Variants in KIR3DL3 observed in about 807,000 individuals in gnomAD.
The protein encoded by KIR3DL3 is killer cell immunoglobulin-like receptor 3DL3.
In KIR3DL3, 27 loss-of-function variants were observed where a neutral mutation model predicts 34.9. The observed-to-expected ratio is 0.77, with a 90% CI of 0.57 to 1.07. The LOEUF (loss-of-function observed/expected upper bound fraction) is 1.07, where lower values mean the gene tolerates loss of function less well. KIR3DL3 is among the 50% of genes least tolerant of loss of function. The probability of loss-of-function intolerance (pLI) is 0.00; values close to 1 mark genes in which losing one functional copy is unlikely to be tolerated. For synonymous variants in KIR3DL3, 217 were observed against 200.2 expected, an observed-to-expected ratio of 1.08 and a Z score of -0.71; for missense variants, 681 against 528.5, an observed-to-expected ratio of 1.29 and a Z score of -2.83.
chr19:54,735,199 C>A (rs1197557339), intron 5 of KIR3DL3, 54 bp from the exon 6 acceptor site: 1 of 1,274,816 alleles, frequency 7.8e-7, no homozygotes, highest in Non-Finnish European at 1.1e-6. Context: ...TGAGACAATT[C>A]ATATAGAGGA....
chr19:54,726,181 C>T lies in KIR3DL3; in HGVS notation c.199C>T (p.Pro67Ser). ...EFSLSKEDGM[P>S]VPELYNRIFR... ...CAGTCTGTCCAAAGAAGACGGGATG[C>T]CTGTCCCTGAGCTCTACAACAGAAT... Residue 67 changes from proline to serine, a missense_variant, in exon 3 of 8, where the codon CCT becomes TCT. Coordinates refer to ENST00000291860, the MANE Select transcript of KIR3DL3 (RefSeq NM_153443.5). 6.2e-7 allele frequency: 1 copy of T among 1,613,564 alleles called. No individual in the cohort carries two copies.
At position 54,726,059 on chromosome 19, in the gene KIR3DL3, A is replaced by C; in HGVS notation, c.77A>C (p.Gln26Pro). 6.2e-7 allele frequency: 1 copy of C among 1,607,978 alleles called. No individual in the cohort carries two copies. The highest frequency in any genetic ancestry group is 2.2e-5 in the East Asian group (1 of 44,778). ...LEGPWPHVGG[Q>P]DKPFLSAWPG... ...GTGCCTCCTTCTCCCCCAGGTGGTC[A>C]GGACAAGCCCTTCCTCTCTGCCTGG... Residue 26 changes from glutamine (Q) to proline (P), a missense_variant, in exon 3 of 8, where the codon CAG (glutamine) becomes CCG (proline). Physicochemically the swap from Gln to Pro is moderately conservative, Grantham distance 76 (BLOSUM62 -1). Transcript: ENST00000291860.
rs556418443 is a variant in KIR3DL3 at position 54,734,515 on chromosome 19, G to A, written c.950-738G>A. On this transcript the variant is annotated intron_variant, in intron 5 of 7. Coordinates refer to ENST00000291860, the MANE Select transcript of KIR3DL3 (RefSeq NM_153443.5). ...AGCCCAGCCTGGGTTTTGTACCCTG[G>A]AGCCACAGGAAGCACTCAGCTAAAG... Among the ~76,000 whole-genome samples the A allele has an allele frequency of 1.3e-3, 193 of 151,932 alleles. 1 individual carries two copies. Among genetic ancestry groups the A allele is most frequent in the Middle Eastern group, 3.4e-3 (1 of 294 alleles).
chr19:54,728,938 T>C (rs1214393156), intron 4 of KIR3DL3, among the ~76,000 whole-genome samples: 28 of 147,742 alleles, frequency 1.9e-4, no homozygotes, highest in Admixed American at 2.8e-4. Flanking sequence ...GACTGATAGA[T>C]GATATAGATA....
Position 54,727,818 on chromosome 19 carries a change from C to T in KIR3DL3, c.563C>T (p.Ala188Val). Residue 188 changes from alanine to valine, a missense_variant, in exon 4 of 8, where the codon GCC becomes GTC. Physicochemically the swap from Ala to Val is moderately conservative, Grantham distance 64. Transcript: ENST00000291860. Reference sequence around the variant, plus strand: ...TATTCCATGGGTCCCATGACACCTGCCCTTGCAGGGACCTACAGATGCTTT... The same window carrying T: ...TATTCCATGGGTCCCATGACACCTGTCCTTGCAGGGACCTACAGATGCTTT... ...VNYSMGPMTP[A>V]LAGTYRCFGS... The T allele has an allele frequency of 1.2e-6, 2 of 1,614,026 alleles. No individual in the cohort carries two copies. Among genetic ancestry groups the T allele is most frequent in the Non-Finnish European group, 8.5e-7 (1 of 1,179,994 alleles).
intron 5 of KIR3DL3, among the ~76,000 whole-genome samples, chr19:54,732,253 G>GTTTTTTTTTTTTTTTTTTTTTTT (rs1376667820): frequency 1.1e-5 from 1 of 90,902 alleles, no homozygotes; most frequent in African/African-American, 3.7e-5. Flanking sequence ...TGTGTTTTTT[G>GTTTTTTTTTTTTTTTTTTTTTTT]TTTTCTTTTT....
At chr19:54,732,918 TTAAC>T (rs1421027029) in intron 5 of KIR3DL3, among the ~76,000 whole-genome samples, 1 of 152,092 alleles carries the variant, frequency 6.6e-6, no homozygotes, top group African/African-American at 2.4e-5. Flanking sequence ...CCCTACCTGA[TTAAC>T]AGTGACCGAC....
rs1218161756 is a variant in KIR3DL3 at position 54,724,906 on chromosome 19, TGGGCCTGGAGTAGAGATAC to T, written c.35-329_35-311del. 1.6e-4 allele frequency among the ~76,000 whole-genome samples: 18 copies of T among 113,296 alleles called. 1 individual carries two copies. Among genetic ancestry groups the T allele is most frequent in the Non-Finnish European group, 2.9e-4 (16 of 55,708 alleles). 74.3% of individuals were successfully genotyped at this position (113,296 alleles called of 152,430 possible). ...AGATATGGGCCTGGAACTGTAGATA[TGGGCCTGGAGTAGAGATAC>T]GGGCCTGGAGTGGAGATGTTGGCTT... On this transcript the variant is annotated intron_variant, in intron 1 of 7. Transcript: ENST00000291860.
chr19:54,733,760 T>C (rs1180205881), intron 5 of KIR3DL3, among the ~76,000 whole-genome samples: 1 of 152,158 alleles, frequency 6.6e-6, no homozygotes, highest in African/African-American at 2.4e-5. Flanking sequence ...ACGTGCTCTG[T>C]TCATGGCATA....
intron 4 of KIR3DL3, among the ~76,000 whole-genome samples, chr19:54,728,960 AG>A (rs1346561412): frequency 7.0e-6 from 1 of 142,932 alleles, no homozygotes; most frequent in Admixed American, 7.3e-5. Context: ...ACAAGTAGAA[AG>A]ACAGACAGAT....
rs1190232613 is a variant in KIR3DL3 at position 54,727,906 on chromosome 19, C to T, written c.651C>T (p.Val217=). The change falls in exon 4 of 8, where the codon GTC becomes GTT. Residue 217 remains valine (V), a synonymous_variant. Coordinates refer to ENST00000291860, the MANE Select transcript of KIR3DL3 (RefSeq NM_153443.5). Reference sequence around the variant, plus strand: ...CCAGTGACCCTCTGGACATCGTGGTCGTAGGTGAGAGAATACAGACCTGCC... The same window carrying T: ...CCAGTGACCCTCTGGACATCGTGGTTGTAGGTGAGAGAATACAGACCTGCC... ...SAPSDPLDIV[V]VGLYGKPSLS... The T allele has an allele frequency of 1.2e-5, 20 of 1,607,280 alleles. No homozygotes were observed. The South Asian group carries it at 1.3e-4, about 11-fold the overall frequency.
chr19:54,734,225 C>G (rs1448251604), intron 5 of KIR3DL3, among the ~76,000 whole-genome samples: 3 of 151,604 alleles, frequency 2.0e-5, no homozygotes, highest in Admixed American at 2.0e-4. Flanking sequence ...GTGTATCAAT[C>G]CCAATCCAGT....
intron 3 of KIR3DL3, among the ~76,000 whole-genome samples, chr19:54,726,998 G>A (rs978041135): frequency 1.6e-5 from 2 of 122,618 alleles, no homozygotes; most frequent in Middle Eastern, 3.9e-3. Flanking sequence ...TGAAGCACAG[G>A]TTAAGAAACC....
intron 5 of KIR3DL3, among the ~76,000 whole-genome samples, chr19:54,731,688 C>T (rs1456982269): frequency 2.6e-5 from 4 of 152,178 alleles, no homozygotes; most frequent in Non-Finnish European, 5.9e-5. Context: ...AAGCAAGAAT[C>T]TGCTCCTTAA....
chr19:54,726,438 G>C, intron 3 of KIR3DL3, 101 bp downstream of exon 3: 1 of 1,425,358 alleles, frequency 7.0e-7, no homozygotes, highest in Non-Finnish European at 9.4e-7. Flanking sequence ...GGCCCCGACT[G>C]TATTTGGGGT....
At chr19:54,728,915 A>C (rs2068486342) in intron 4 of KIR3DL3, among the ~76,000 whole-genome samples, 1 of 149,864 alleles carries the variant, frequency 6.7e-6, no homozygotes. Context: ...TGATAGACAA[A>C]TAGATGATGA....
At chr19:54,731,572 A>G (rs112849678) in intron 5 of KIR3DL3, among the ~76,000 whole-genome samples, 7,915 of 151,880 alleles carry the variant, frequency 0.052, 674 homozygotes, top group African/African-American at 0.18. Flanking sequence ...GGATGAAAAC[A>G]TGTTTTTCTT....
intron 6 of KIR3DL3, among the ~76,000 whole-genome samples, 200 bp from the exon 7 acceptor site, chr19:54,735,620 C>G (rs11882660): frequency 0.058 from 5,449 of 93,968 alleles, 292 homozygotes; most frequent in Middle Eastern, 0.095. Flanking sequence ...GAAAGTGGGA[C>G]ACAGAATCAA....
Position 54,724,486 on chromosome 19 carries a change from C to T in KIR3DL3, c.-11C>T, listed in dbSNP as rs2067892498. The T allele has an allele frequency of 1.2e-6, 2 of 1,613,076 alleles. No individual in the cohort carries two copies. Among genetic ancestry groups the T allele is most frequent in the African/African-American group, 1.3e-5 (1 of 74,854 alleles). ...GCTGGGGCGCAGCCGCCTGTCTGCA[C>T]CGGCAGCACCATGTCGCTCATGGTC... On this transcript the variant is annotated 5_prime_UTR_variant, in exon 1 of 8. Transcript: ENST00000291860.
Sources: gnomAD v4.1 joint callset for allele counts (sites outside exome capture counted in the v4.1 genomes callset) on GRCh38, gnomAD v4.1.1 for gene constraint, MANE v1.5 for transcripts, NCBI Gene and HGNC (gene_info 2026-07-23, HGNC 2026-07-21) for gene names.